RNF182: variants seen among roughly 807,000 people sequenced by gnomAD.
RNF182 encodes the protein ring finger protein 182, also known as E3 ubiquitin-protein ligase RNF182.
Under a neutral mutation model 14.4 loss-of-function variants are expected in RNF182, and 15 were observed. That is an observed-to-expected ratio of 1.04 (90% CI 0.70 to 1.60). The LOEUF (loss-of-function observed/expected upper bound fraction) is 1.60. Among genes scored for constraint, RNF182 ranks in the 40% most tolerant of loss-of-function variants. The pLI, the probability that RNF182 is intolerant of heterozygous loss-of-function variation, is 0.00. For missense variants in RNF182, 268 were observed against 294.8 expected (o/e 0.91, Z 0.67); for synonymous variants, 128 against 122.9 (o/e 1.04, Z -0.27).
intron 1 of RNF182, among the ~76,000 whole-genome samples, chr6:13,972,683 A>G (rs1202695372): frequency 2.0e-5 from 3 of 152,202 alleles, no homozygotes; most frequent in African/African-American, 7.2e-5. Context: ...GGCAGCTTCC[A>G]TGCGGCATTG....
chr6:13,945,994 C>T (rs1759429213), intron 1 of RNF182, among the ~76,000 whole-genome samples: 3 of 151,978 alleles, frequency 2.0e-5, no homozygotes, highest in Admixed American at 6.6e-5. Context: ...AGGAGAAACA[C>T]GTCTGCCTTA....
At chr6:13,947,814 C>T (rs1314160988) in intron 1 of RNF182, among the ~76,000 whole-genome samples, 1 of 152,220 alleles carries the variant, frequency 6.6e-6, no homozygotes, top group Non-Finnish European at 1.5e-5. Context: ...GCATGTCAGT[C>T]ATTCCAGTCA....
chr6:13,927,740 G>A (rs1406559915), intron 1 of RNF182, among the ~76,000 whole-genome samples: 2 of 152,178 alleles, frequency 1.3e-5, no homozygotes, highest in Non-Finnish European at 2.9e-5. Context: ...ACATTCTCTT[G>A]CAATTTCTAG....
intron 1 of RNF182, among the ~76,000 whole-genome samples, chr6:13,928,677 C>G (rs991826050): frequency 3.3e-5 from 5 of 152,112 alleles, no homozygotes; most frequent in African/African-American, 1.2e-4. Context: ...ATCTGGGATC[C>G]TGTTAGGTGA....
chr6:13,924,794 G>A (rs1442094326), upstream of RNF182: 2 of 151,698 alleles, frequency 1.3e-5, no homozygotes, highest in Admixed American at 6.6e-5. Flanking sequence ...CGGCCCATCG[G>A]GGGTCCTTGT....
chr6:13,953,026 A>G (rs370012831), intron 1 of RNF182, among the ~76,000 whole-genome samples: 3 of 152,224 alleles, frequency 2.0e-5, no homozygotes, highest in African/African-American at 7.2e-5. Context: ...TTACTGCAAA[A>G]CTTAAACTAA....
At chr6:13,935,780 G>C (rs1264577300) in intron 1 of RNF182, among the ~76,000 whole-genome samples, 1 of 152,204 alleles carries the variant, frequency 6.6e-6, no homozygotes, top group East Asian at 1.9e-4. Context: ...ATCTTACTAT[G>C]ATTCATTTGA....
chr6:13,953,996 A>G lies in RNF182; in HGVS notation c.-366-20214A>G, dbSNP rs532110572. Among the ~76,000 whole-genome samples the G allele has an allele frequency of 1.1e-3, 174 of 152,346 alleles. 1 individual carries two copies. The highest frequency in any genetic ancestry group is 3.9e-3 in the African/African-American group (164 of 41,586). On this transcript the variant is annotated intron_variant, in intron 1 of 2. Transcript: ENST00000488300. ...GGAAAGTAGAGAGAAAGCTTTGCTAATGATTTTATTTTTATCTTTTTATTA... is the reference window on the plus strand; with the variant it reads ...GGAAAGTAGAGAGAAAGCTTTGCTAGTGATTTTATTTTTATCTTTTTATTA...
chr6:13,936,861 G>T (rs546262291), intron 1 of RNF182, among the ~76,000 whole-genome samples: 3 of 152,244 alleles, frequency 2.0e-5, no homozygotes, highest in Admixed American at 2.0e-4. Context: ...GAGGGAACAG[G>T]GCATCATAAA....
At chr6:13,967,308 T>C (rs1027973318) in intron 1 of RNF182, among the ~76,000 whole-genome samples, 7 of 152,198 alleles carry the variant, frequency 4.6e-5, no homozygotes, top group Non-Finnish European at 8.8e-5. Context: ...AGACATTATA[T>C]AATGACAAAA....
chr6:13,976,936 C>T lies in RNF182; in HGVS notation c.-184C>T, dbSNP rs1321495068. On this transcript the variant is annotated 5_prime_UTR_variant, in exon 3 of 3. Coordinates refer to ENST00000488300, the MANE Select transcript of RNF182 (RefSeq NM_152737.4). ...CCTTCATGTGGCCTTTATAAATATG[C>T]GTTTGAGACAGAGTTATATGCAGAA... 1.7e-5 allele frequency: 11 copies of T among 637,078 alleles called. No homozygotes were observed. The Admixed American group carries it at 1.8e-4, about 10-fold the overall frequency. 39.5% of individuals were successfully genotyped at this position (637,078 alleles called of 1,614,324 possible). A position where few individuals can be genotyped will look rare whatever the true frequency, so the allele number is the denominator to read the frequency against.
chr6:13,928,201 C>G (rs898894832), intron 1 of RNF182, among the ~76,000 whole-genome samples: 1 of 152,122 alleles, frequency 6.6e-6, no homozygotes, highest in Admixed American at 6.5e-5. Context: ...TACTTTTATA[C>G]AGTATTGTAC....
At chr6:13,946,864 G>A (rs1358437498) in intron 1 of RNF182, among the ~76,000 whole-genome samples, 1 of 152,158 alleles carries the variant, frequency 6.6e-6, no homozygotes, top group Non-Finnish European at 1.5e-5. Context: ...TGTATTTAGA[G>A]TTGGGAGGAG....
chr6:13,947,717 C>T (rs150405912), intron 1 of RNF182, among the ~76,000 whole-genome samples: 78 of 152,232 alleles, frequency 5.1e-4, no homozygotes, highest in African/African-American at 1.7e-3. Context: ...GTACAAGGCT[C>T]AAGATATGAG....
At chr6:13,968,965 G>A (rs1413539666) in intron 1 of RNF182, among the ~76,000 whole-genome samples, 1 of 152,036 alleles carries the variant, frequency 6.6e-6, no homozygotes, top group East Asian at 1.9e-4. Flanking sequence ...ACTGTATTAG[G>A]GCACTTTGGG....
At chr6:13,944,481 A>G (rs971429924) in intron 1 of RNF182, among the ~76,000 whole-genome samples, 2 of 152,210 alleles carry the variant, frequency 1.3e-5, no homozygotes, top group African/African-American at 4.8e-5. Flanking sequence ...GTGGAGGCCT[A>G]GTTGAAAAGA....
chr6:13,940,143 A>C (rs187384569), intron 1 of RNF182, among the ~76,000 whole-genome samples: 70 of 152,306 alleles, frequency 4.6e-4, no homozygotes, highest in Non-Finnish European at 4.4e-5. Context: ...TCTTGCTTAC[A>C]AGTGTTGTTG....
chr6:13,956,309 T>A (rs1422894984), intron 1 of RNF182, among the ~76,000 whole-genome samples: 3 of 151,896 alleles, frequency 2.0e-5, no homozygotes, highest in Non-Finnish European at 4.4e-5. Context: ...TGACTGTTCT[T>A]TGCTTTTTTT....
chr6:13,955,406 T>C (rs554815931), intron 1 of RNF182, among the ~76,000 whole-genome samples: 1 of 152,376 alleles, frequency 6.6e-6, no homozygotes, highest in South Asian at 2.1e-4. Flanking sequence ...AAGCTGCATA[T>C]AAAGAAAAGG....
Sources: gnomAD v4.1 joint callset for allele counts (sites outside exome capture counted in the v4.1 genomes callset) on GRCh38, gnomAD v4.1.1 for gene constraint, MANE v1.5 for transcripts, NCBI Gene and HGNC (gene_info 2026-07-23, HGNC 2026-07-21) for gene names.